Variants in GRID2 observed in about 807,000 individuals in gnomAD.
GRID2 encodes the protein glutamate receptor ionotropic, delta-2.
GRID2 carries 33 observed loss-of-function variants against 114.8 expected under a neutral mutation model. The ratio of observed to expected loss-of-function variants is 0.29; its 90% CI spans 0.22 to 0.38. The LOEUF is 0.38. GRID2 is among the 10% of genes least tolerant of loss of function. GRID2 has a pLI of 1.00. For missense variants in GRID2, 1,184 were observed against 1,257.7 expected (o/e 0.94, Z 0.89); for synonymous variants, 505 against 449.9 (o/e 1.12, Z -1.55).
chr4:93,577,613 A>G (rs2149588816), intron 13 of GRID2, among the ~76,000 whole-genome samples: 1 of 152,328 alleles, frequency 6.6e-6, no homozygotes, highest in Non-Finnish European at 1.5e-5. Context: ...AACAAATGCT[A>G]TGTGCCAGAC....
intron 1 of GRID2, among the ~76,000 whole-genome samples, chr4:93,806,436 C>G (rs1735035167): frequency 1.3e-5 from 2 of 152,284 alleles, no homozygotes; most frequent in South Asian, 4.1e-4. Flanking sequence ...ACCAAAGTAT[C>G]CTAATCCAGA....
intron 14 of GRID2, among the ~76,000 whole-genome samples, chr4:93,765,108 T>G: frequency 6.6e-6 from 1 of 152,204 alleles, no homozygotes; most frequent in East Asian, 1.9e-4. Context: ...TTCCAGGCAG[T>G]GCATTATATT....
At chr4:93,780,369 G>A (rs536205048) in intron 1 of GRID2, among the ~76,000 whole-genome samples, 3 of 152,282 alleles carry the variant, frequency 2.0e-5, no homozygotes, top group South Asian at 2.1e-4. Flanking sequence ...ATAGCGAGAC[G>A]ATCAATTCAG....
At chr4:92,469,415 G>C (rs998893651) in intron 1 of GRID2, among the ~76,000 whole-genome samples, 3 of 152,038 alleles carry the variant, frequency 2.0e-5, no homozygotes, top group African/African-American at 7.2e-5. Context: ...TGGTATCACT[G>C]TATTTGCATA....
At chr4:92,798,764 T>G (rs1740010728) in intron 2 of GRID2, among the ~76,000 whole-genome samples, 1 of 152,058 alleles carries the variant, frequency 6.6e-6, no homozygotes, top group Non-Finnish European at 1.5e-5. Flanking sequence ...GATACAGGAC[T>G]GCAAAGTAGA....
intron 1 of GRID2, among the ~76,000 whole-genome samples, chr4:92,577,976 A>G (rs1727978104): frequency 6.6e-6 from 1 of 152,118 alleles, no homozygotes; most frequent in Non-Finnish European, 1.5e-5. Flanking sequence ...CATAAATTAA[A>G]TGGTGTTTTT....
chr4:93,237,382 C>A (rs1746920191), intron 7 of GRID2, among the ~76,000 whole-genome samples: 1 of 151,598 alleles, frequency 6.6e-6, no homozygotes, highest in Non-Finnish European at 1.5e-5. Context: ...GGCTACAAGG[C>A]ACAAATGAAG....
At chr4:92,921,074 C>G (rs1164700711) in intron 2 of GRID2, among the ~76,000 whole-genome samples, 1 of 152,058 alleles carries the variant, frequency 6.6e-6, no homozygotes, top group African/African-American at 2.4e-5. Flanking sequence ...CTCTAAACTT[C>G]TCTTTTAGCT....
intron 2 of GRID2, among the ~76,000 whole-genome samples, chr4:92,881,193 C>G (rs1039405719): frequency 6.6e-6 from 1 of 152,134 alleles, no homozygotes; most frequent in African/African-American, 2.4e-5. Context: ...GTGAGCCACC[C>G]AGCTCGGCCT....
At chr4:93,106,046 T>C (rs955053988) in intron 3 of GRID2, among the ~76,000 whole-genome samples, 1 of 152,118 alleles carries the variant, frequency 6.6e-6, no homozygotes, top group African/African-American at 2.4e-5. Flanking sequence ...CAGTCTTATG[T>C]TTAATAACTC....
intron 8 of GRID2, among the ~76,000 whole-genome samples, chr4:93,284,946 G>A (rs1206662366): frequency 6.6e-6 from 1 of 151,990 alleles, no homozygotes; most frequent in Non-Finnish European, 1.5e-5. Context: ...GGGTAGGTGA[G>A]TAAGTGAATA....
At chr4:92,969,376 T>C (rs1442317105) in intron 2 of GRID2, among the ~76,000 whole-genome samples, 1 of 151,720 alleles carries the variant, frequency 6.6e-6, no homozygotes, top group Non-Finnish European at 1.5e-5. Flanking sequence ...CATTAATACT[T>C]GGATGGAAAT....
At chr4:92,637,637 G>C (rs1169498971) in intron 2 of GRID2, among the ~76,000 whole-genome samples, 1 of 151,948 alleles carries the variant, frequency 6.6e-6, no homozygotes, top group African/African-American at 2.4e-5. Context: ...AAGAAAACCA[G>C]GTAGAGAGAG....
chr4:93,710,854 T>A (rs1214344938), intron 14 of GRID2, among the ~76,000 whole-genome samples: 1 of 152,056 alleles, frequency 6.6e-6, no homozygotes, highest in Non-Finnish European at 1.5e-5. Flanking sequence ...TCTCTCCCCA[T>A]GGCCACCACT....
rs868701126 is a variant in GRID2, at chr4:93,490,255, A to T, written c.1859-384A>T. ...TAATCCTTTCAATATTATTTATTTA[A>T]CTGGAAATCTGAAAATTTGTATTAA... On this transcript the variant is annotated intron_variant, in intron 11 of 15. Transcript: ENST00000282020. 7.2e-5 allele frequency among the ~76,000 whole-genome samples: 11 copies of T among 151,968 alleles called. 1 individual carries two copies. The highest frequency in any genetic ancestry group is 4.1e-4 in the South Asian group (2 of 4,832).
chr4:92,749,074 A>C (rs1273238228), intron 2 of GRID2, among the ~76,000 whole-genome samples: 1 of 151,000 alleles, frequency 6.6e-6, no homozygotes, highest in African/African-American at 2.4e-5. Flanking sequence ...GCTCACTGCA[A>C]CCTCCACCTC....
chr4:93,537,663 A>G (rs1178555600), intron 13 of GRID2, among the ~76,000 whole-genome samples: 1 of 151,836 alleles, frequency 6.6e-6, no homozygotes, highest in Non-Finnish European at 1.5e-5. Flanking sequence ...GAAATTGCAG[A>G]AAGATATTTG....
At chr4:93,796,419 T>C (rs1734803522) in intron 1 of GRID2, among the ~76,000 whole-genome samples, 1 of 152,036 alleles carries the variant, frequency 6.6e-6, no homozygotes, top group Non-Finnish European at 1.5e-5. Flanking sequence ...GGAAATGAAG[T>C]TGGAGACAAG....
Position 93,772,845 on chromosome 4 carries a change from T to C in GRID2, c.*347T>C, listed in dbSNP as rs1158771255. On this transcript the variant is annotated 3_prime_UTR_variant, in exon 16 of 16. Transcript: ENST00000282020. ...AAGTATATGCAGGATTAATTTTACA[T>C]AAAGGCCTCTTCTGTAACATTTCTC... 3 of 204,568 alleles carry C rather than the reference T, an allele frequency of 1.5e-5. No individual in the cohort carries two copies. The East Asian group carries it at 3.5e-4, about 24-fold the overall frequency. The allele number at this position is 204,568 out of a possible 1,614,324, so 12.7% of individuals were successfully genotyped here.
Sources: gnomAD v4.1 joint callset for allele counts (sites outside exome capture counted in the v4.1 genomes callset) on GRCh38, gnomAD v4.1.1 for gene constraint, MANE v1.5 for transcripts, NCBI Gene and HGNC (gene_info 2026-07-23, HGNC 2026-07-21) for gene names.